The following PALM2AKAP2 variants were observed in gnomAD, a reference collection of about 807,000 sequenced individuals.
PALM2AKAP2 encodes PALM2-AKAP2 fusion protein.
Under a neutral mutation model 71.5 loss-of-function variants are expected in PALM2AKAP2, and 37 were observed. The ratio of observed to expected loss-of-function variants is 0.52; its 90% CI spans 0.40 to 0.68. PALM2AKAP2 has a LOEUF of 0.68. Ranked by LOEUF, PALM2AKAP2 falls within the 30% of genes least tolerant of loss-of-function variation. PALM2AKAP2 has a pLI of 0.00. For missense variants in PALM2AKAP2, 1,224 were observed against 1,191.8 expected (o/e 1.03, Z -0.40); for synonymous variants, 468 against 478.8 (o/e 0.98, Z 0.29).
intron 6 of PALM2AKAP2, among the ~76,000 whole-genome samples, chr9:109,979,453 G>A (rs1008863156): frequency 1.3e-5 from 2 of 152,110 alleles, no homozygotes; most frequent in African/African-American, 4.8e-5. Context: ...TACCCCACTG[G>A]GAATGTCAGT....
intron 2 of PALM2AKAP2, among the ~76,000 whole-genome samples, chr9:109,872,232 C>G (rs144332896): frequency 6.6e-6 from 1 of 151,998 alleles, no homozygotes; most frequent in Non-Finnish European, 1.5e-5. Flanking sequence ...TTCATAGGAA[C>G]AATTATTTAT....
chr9:109,676,389 A>G (rs547159492), intron 1 of PALM2AKAP2, among the ~76,000 whole-genome samples: 48 of 152,194 alleles, frequency 3.2e-4, no homozygotes, highest in Non-Finnish European at 6.0e-4. Flanking sequence ...GAGGCACCTT[A>G]ATGAAGATAG....
chr9:109,756,785 T>C (rs1032939630), intron 1 of PALM2AKAP2, among the ~76,000 whole-genome samples: 12 of 152,154 alleles, frequency 7.9e-5, no homozygotes, highest in Non-Finnish European at 2.9e-5. Flanking sequence ...TTGCTTTGAA[T>C]CACTTGAGAT....
intron 1 of PALM2AKAP2, among the ~76,000 whole-genome samples, chr9:109,866,824 T>C (rs1435406627): frequency 1.3e-5 from 2 of 151,896 alleles, no homozygotes; most frequent in African/African-American, 4.8e-5. Context: ...AGGTAGTGAG[T>C]GGTAGGGCTG....
At chr9:109,869,980 A>T (rs1354724398) in intron 2 of PALM2AKAP2, among the ~76,000 whole-genome samples, 2 of 152,076 alleles carry the variant, frequency 1.3e-5, no homozygotes, top group African/African-American at 4.8e-5. Flanking sequence ...AGGGTGAGTT[A>T]TTTGCCTTGA....
chr9:109,762,968 G>C (rs1324315208), intron 1 of PALM2AKAP2, among the ~76,000 whole-genome samples: 1 of 152,174 alleles, frequency 6.6e-6, no homozygotes. Flanking sequence ...CATGTGGCCA[G>C]AGCTGGCCAC....
chr9:110,008,562 A>G (rs114356207), intron 6 of PALM2AKAP2, among the ~76,000 whole-genome samples: 2,074 of 152,252 alleles, frequency 0.014, 47 homozygotes, highest in African/African-American at 0.048. Context: ...AGGAGTCTCT[A>G]TCATGGGACT....
intron 1 of PALM2AKAP2, chr9:109,641,015 C>G (rs1827058249): frequency 1.6e-6 from 2 of 1,244,162 alleles, no homozygotes; most frequent in South Asian, 1.7e-5. Flanking sequence ...TCTATAGCAG[C>G]CGCCGCGGCG....
chr9:110,121,305 A>T (rs1835481628), intron 1 of PALM2AKAP2, among the ~76,000 whole-genome samples: 1 of 152,192 alleles, frequency 6.6e-6, no homozygotes, highest in Non-Finnish European at 1.5e-5. Flanking sequence ...GCTGAGATGT[A>T]GGGTCTTTTG....
upstream of PALM2AKAP2, among the ~76,000 whole-genome samples, chr9:109,776,622 AC>A (rs1364650740): frequency 6.6e-6 from 1 of 151,988 alleles, no homozygotes; most frequent in Non-Finnish European, 1.5e-5. Flanking sequence ...AGTGTCTGAT[AC>A]CTCCCAGCTT....
At chr9:110,139,000 T>A (rs1276413878) in intron 2 of PALM2AKAP2, among the ~76,000 whole-genome samples, 1 of 152,184 alleles carries the variant, frequency 6.6e-6, no homozygotes, top group Non-Finnish European at 1.5e-5. Context: ...CTGGTTTCCT[T>A]CCCAGCAATG....
At chr9:110,016,117 C>A in intron 7 of PALM2AKAP2, 78 bp downstream of exon 7, 1 of 1,346,070 alleles carries the variant, frequency 7.4e-7, no homozygotes, top group Non-Finnish European at 1.0e-6. Flanking sequence ...TTTCTGGGGG[C>A]AAAATGAACA....
At chr9:109,645,382 A>G (rs1351465574) in intron 1 of PALM2AKAP2, among the ~76,000 whole-genome samples, 2 of 152,226 alleles carry the variant, frequency 1.3e-5, no homozygotes, top group African/African-American at 4.8e-5. Flanking sequence ...GCTTTCCAAC[A>G]CATGGGAATT....
At chr9:109,735,702 G>A (rs184464310) in intron 1 of PALM2AKAP2, among the ~76,000 whole-genome samples, 4 of 152,316 alleles carry the variant, frequency 2.6e-5, no homozygotes. Flanking sequence ...GGAAGATGGT[G>A]TAGATACTGA....
At chr9:110,134,346 A>G (rs1564323437) in intron 1 of PALM2AKAP2, among the ~76,000 whole-genome samples, 1 of 152,192 alleles carries the variant, frequency 6.6e-6, no homozygotes, top group African/African-American at 2.4e-5. Context: ...AAAAATAAAG[A>G]TATTAGCAAT....
intron 1 of PALM2AKAP2, among the ~76,000 whole-genome samples, chr9:109,781,876 G>A (rs886294915): frequency 1.5e-4 from 23 of 152,200 alleles, no homozygotes; most frequent in Admixed American, 5.9e-4. Context: ...GGTTTCTAAA[G>A]TTGGTGGCAA....
At position 109,654,750 on chromosome 9, in the gene PALM2AKAP2, G is replaced by GGTGTGTGTGTGTGTGTGTGTGT. The variant is rs374397482; in HGVS notation, c.5+13891_5+13912dup. On this transcript the variant is annotated intron_variant, in intron 1 of 6. Transcript: ENST00000374531. The stretch of plus-strand genomic sequence containing the variant: ...TAGAGGTGCCTGTATGTATGTGTAT[G>GGTGTGTGTGTGTGTGTGTGTGT]GTGTGTGTGTGTGTGTGTGTGTGTG... Among the ~76,000 whole-genome samples, 33 of 147,296 alleles carry GGTGTGTGTGTGTGTGTGTGTGT rather than the reference G, an allele frequency of 2.2e-4. No homozygotes were observed. The South Asian group carries it at 2.9e-3, about 13-fold the overall frequency.
chr9:109,704,649 G>C (rs927121749), intron 1 of PALM2AKAP2, among the ~76,000 whole-genome samples: 13 of 152,114 alleles, frequency 8.5e-5, no homozygotes, highest in Non-Finnish European at 1.5e-4. Context: ...CTCTTCTCAG[G>C]CCTTTCACCT....
chr9:109,722,929 T>C (rs778854948), intron 1 of PALM2AKAP2, among the ~76,000 whole-genome samples: 4 of 152,182 alleles, frequency 2.6e-5, no homozygotes, highest in Non-Finnish European at 5.9e-5. Context: ...ACCAAGCACC[T>C]CCTGCCTCAT....
Sources: allele counts gnomAD v4.1 joint callset (sites outside exome capture counted in the v4.1 genomes callset), GRCh38; gene constraint gnomAD v4.1.1; transcripts MANE v1.5; gene names NCBI Gene and HGNC (gene_info 2026-07-23, HGNC 2026-07-21).